BLTP1: variants seen among roughly 807,000 people sequenced by gnomAD.
BLTP1 encodes bridge-like lipid transfer protein family member 1.
At chr4:122,205,668 CAA>C in the BLTP1 span, among the ~76,000 whole-genome samples, 1 of 133,386 alleles carries the variant, frequency 7.5e-6, no homozygotes, top group South Asian at 2.4e-4. Context: ...TCTCTAGTGT[CAA>C]AGTCTGTGCT....
the BLTP1 span, chr4:122,234,776 G>A: frequency 1.0e-5 from 16 of 1,607,494 alleles, no homozygotes; most frequent in East Asian, 2.2e-5. Context: ...GGTTTAGGTT[G>A]TGGTTTTTAT....
the BLTP1 span, among the ~76,000 whole-genome samples, chr4:122,338,775 A>G: frequency 6.6e-6 from 1 of 152,176 alleles, no homozygotes; most frequent in African/African-American, 2.4e-5. Context: ...AAAAATTCAT[A>G]TGTTAATTGG....
chr4:122,313,815 C>T, the BLTP1 span: 1 of 456,184 alleles, frequency 2.2e-6, no homozygotes, highest in Non-Finnish European at 3.7e-6. Flanking sequence ...TGTATTAGAA[C>T]ATTTGTATTT....
At chr4:122,277,755 G>A in the BLTP1 span, 4 of 977,756 alleles carry the variant, frequency 4.1e-6, no homozygotes, top group Non-Finnish European at 3.6e-6. Context: ...CATAGTGGAT[G>A]ATTGTTATTC....
chr4:122,230,720 A>G, the BLTP1 span, among the ~76,000 whole-genome samples: 1 of 152,160 alleles, frequency 6.6e-6, no homozygotes, highest in Non-Finnish European at 1.5e-5. Flanking sequence ...AGCACCTCTT[A>G]CTGAATCACT....
At chr4:122,288,322 C>A in the BLTP1 span, among the ~76,000 whole-genome samples, 1 of 152,114 alleles carries the variant, frequency 6.6e-6, no homozygotes, top group East Asian at 1.9e-4. Context: ...TTATTCATAG[C>A]TGCATCCTTA....
At chr4:122,291,938 C>T in the BLTP1 span, 1 of 359,978 alleles carries the variant, frequency 2.8e-6, no homozygotes, top group Non-Finnish European at 3.8e-6. Flanking sequence ...AACAAATAGG[C>T]CTTTAAGGTG....
the BLTP1 span, chr4:122,179,890 C>T: frequency 1.0e-6 from 1 of 985,316 alleles, no homozygotes; most frequent in Non-Finnish European, 1.2e-6. Flanking sequence ...CTGCCCCCCA[C>T]ATACAGACAG....
the BLTP1 span, chr4:122,327,979 C>T: frequency 1.7e-5 from 12 of 725,994 alleles, no homozygotes; most frequent in African/African-American, 1.7e-4. Flanking sequence ...TGAATCTGAC[C>T]TTTCTTTCAG....
At chr4:122,291,319 C>A in the BLTP1 span, among the ~76,000 whole-genome samples, 11 of 152,168 alleles carry the variant, frequency 7.2e-5, no homozygotes, top group Non-Finnish European at 1.3e-4. Context: ...CATAGGCATT[C>A]AGTTATTCTG....
chr4:122,228,243 G>A, the BLTP1 span, among the ~76,000 whole-genome samples: 1 of 152,008 alleles, frequency 6.6e-6, no homozygotes, highest in Non-Finnish European at 1.5e-5. Flanking sequence ...TTTCATTGAG[G>A]CATAATTTAC....
the BLTP1 span, chr4:122,185,988 A>G: frequency 3.6e-6 from 5 of 1,397,146 alleles, no homozygotes; most frequent in African/African-American, 7.3e-5. Context: ...AAAACTTTGA[A>G]GTTCTTAAAA....
the BLTP1 span, chr4:122,263,555 C>G: frequency 6.2e-7 from 1 of 1,612,470 alleles, no homozygotes; most frequent in Non-Finnish European, 8.5e-7. Flanking sequence ...AAGTGTGTTA[C>G]AAGAATCTCC....
chr4:122,265,626 T>C, the BLTP1 span, among the ~76,000 whole-genome samples: 3 of 152,220 alleles, frequency 2.0e-5, no homozygotes, highest in Non-Finnish European at 2.9e-5. Flanking sequence ...TGAGGTGACC[T>C]AGGACAATCG....
the BLTP1 span, chr4:122,231,710 T>A: frequency 1.0e-6 from 1 of 975,696 alleles, no homozygotes; most frequent in Non-Finnish European, 1.2e-6. Flanking sequence ...CTCGAATCCC[T>A]CTGGATTTTA....
chr4:122,261,090 C>T, the BLTP1 span, among the ~76,000 whole-genome samples: 1 of 152,272 alleles, frequency 6.6e-6, no homozygotes, highest in South Asian at 2.1e-4. Context: ...ACAGGACTTA[C>T]TTTCTATTGA....
At chr4:122,310,414 G>GT in the BLTP1 span, among the ~76,000 whole-genome samples, 184 of 152,130 alleles carry the variant, frequency 1.2e-3, 1 homozygote, top group African/African-American at 4.0e-3. Context: ...TTAATATGAG[G>GT]TTTTTTTGTG....
At chr4:122,218,627 G>A in the BLTP1 span, among the ~76,000 whole-genome samples, 1 of 152,006 alleles carries the variant, frequency 6.6e-6, no homozygotes, top group African/African-American at 2.4e-5. Context: ...ATGTTAACAG[G>A]AATATTTAAC....
At chr4:122,324,706 T>A in the BLTP1 span, among the ~76,000 whole-genome samples, 3 of 151,960 alleles carry the variant, frequency 2.0e-5, no homozygotes, top group Admixed American at 2.0e-4. Flanking sequence ...ATTTAAGGAA[T>A]CTCTCATCAC....
Sources: allele counts gnomAD v4.1 joint callset (sites outside exome capture counted in the v4.1 genomes callset), GRCh38; gene constraint gnomAD v4.1.1; transcripts MANE v1.5; gene names NCBI Gene and HGNC (gene_info 2026-07-23, HGNC 2026-07-21).